Variants in SYT7 observed in about 807,000 individuals in gnomAD.
The protein encoded by SYT7 is synaptotagmin-7.
In SYT7, 29 loss-of-function variants were observed where a neutral mutation model predicts 75.1. The observed-to-expected ratio is 0.39, with a 90% confidence interval of 0.29 to 0.53. The LOEUF (loss-of-function observed/expected upper bound fraction) is 0.53. Among genes scored for constraint, SYT7 ranks in the 20% least tolerant of loss-of-function variants. The pLI is 0.77. For synonymous variants in SYT7, 376 were observed against 401.7 expected, an observed-to-expected ratio of 0.94 and a Z score of 0.76; for missense variants, 693 against 953.2, an observed-to-expected ratio of 0.73 and a Z score of 3.59.
rs554357952 is a variant in SYT7, at chr11:61,518,751, G to A, written c.1957-20C>T. 31 of 1,511,318 alleles carry A rather than the reference G, an allele frequency of 2.1e-5. No homozygotes were observed. The highest frequency in any genetic ancestry group is 2.0e-4 in the Admixed American group (10 of 49,442). 93.6% of individuals were successfully genotyped at this position (1,511,318 alleles called of 1,614,324 possible). A position where few individuals can be genotyped will look rare whatever the true frequency, so the allele number is the denominator to read the frequency against. The stretch of plus-strand genomic sequence containing the variant: ...GTAGATCTGGGGAGAAAGGGGAGAC[G>A]ATGGCATCGGCACAGGCTCCAGGGC... On this transcript the variant is annotated intron_variant, in intron 12 of 12. Coordinates refer to ENST00000539008, the MANE Select transcript of SYT7 (RefSeq NM_001365809.2).
At chr11:61,577,051 G>C (rs1304539153) in intron 1 of SYT7, among the ~76,000 whole-genome samples, 1 of 152,158 alleles carries the variant, frequency 6.6e-6, no homozygotes, top group Non-Finnish European at 1.5e-5. Flanking sequence ...GAGGGGCTTT[G>C]GGGCTATCTC....
At chr11:61,529,709 A>T (rs1253174701) in intron 8 of SYT7, among the ~76,000 whole-genome samples, 1 of 152,140 alleles carries the variant, frequency 6.6e-6, no homozygotes, top group Non-Finnish European at 1.5e-5. Flanking sequence ...ATCCTGGCTC[A>T]CTGCCACCTC....
Position 61,576,431 on chromosome 11 carries a change from C to T in SYT7, c.31+4359G>A, listed in dbSNP as rs539577500. 7.9e-5 allele frequency among the ~76,000 whole-genome samples: 12 copies of T among 152,326 alleles called. No homozygotes were observed. The highest frequency in any genetic ancestry group is 2.0e-4 in the Admixed American group (3 of 15,310). The stretch of plus-strand genomic sequence containing the variant: ...CCTCTCGGCCACATATGCCACCTGC[C>T]GGGCACTGTCTGTGGAGCAGAGGAC... On this transcript the variant is annotated intron_variant, in intron 1 of 12. Transcript: ENST00000539008. This position sits in a 1 kb window ranked among gnomAD's most constrained non-coding sequence, Gnocchi z 4.1.
rs1442496618 is a variant in SYT7 at position 61,542,556 on chromosome 11, G to A, written c.596C>T (p.Thr199Met). Reference protein sequence around the residue: ...LSNFEDSTLSTATTLESIPSS... With the variant: ...LSNFEDSTLSMATTLESIPSS... Reference sequence around the variant, plus strand: ...GGGGATAGACTCAAGGGTAGTGGCCGTGGACAGGGTGGAGTCCTCGAAACT... The same window carrying A: ...GGGGATAGACTCAAGGGTAGTGGCCATGGACAGGGTGGAGTCCTCGAAACT... Residue 199 changes from threonine (T) to methionine (M), a missense_variant, in exon 6 of 13, where the codon ACG (threonine) becomes ATG (methionine). Around this residue, in one of 2 missense-constraint regions of SYT7, gnomAD observed 487 missense variants for 593.2 expected, o/e 0.82. Transcript: ENST00000539008. The surrounding 1 kb of genome is among the most constrained non-coding windows in gnomAD (Gnocchi z 7.8). 1.5e-5 allele frequency: 23 copies of A among 1,514,794 alleles called. No homozygotes were observed. The highest frequency in any genetic ancestry group is 2.8e-5 in the African/African-American group (2 of 71,794). 93.8% of individuals were successfully genotyped at this position (1,514,794 alleles called of 1,614,324 possible).
At chr11:61,571,838 A>G (rs2063929880) in intron 1 of SYT7, among the ~76,000 whole-genome samples, 1 of 152,156 alleles carries the variant, frequency 6.6e-6, no homozygotes, top group Non-Finnish European at 1.5e-5. Flanking sequence ...CCCTCGAGAC[A>G]CTGGCCCTCT....
At chr11:61,529,600 C>T (rs1200948220) in intron 8 of SYT7, among the ~76,000 whole-genome samples, 2 of 152,154 alleles carry the variant, frequency 1.3e-5, no homozygotes, top group African/African-American at 2.4e-5. Context: ...CCACAGACAC[C>T]GTGCCAGGTG....
At chr11:61,569,791 G>A (rs1374526956) in intron 1 of SYT7, among the ~76,000 whole-genome samples, 6 of 152,164 alleles carry the variant, frequency 3.9e-5, no homozygotes, top group African/African-American at 7.2e-5. Flanking sequence ...GGGGGAGGAC[G>A]GCTTGGAGTG....
rs564033014 is a variant in SYT7, at chr11:61,518,052, CG to C, written c.*574del. On this transcript the variant is annotated 3_prime_UTR_variant, in exon 13 of 13. Coordinates refer to ENST00000539008, the MANE Select transcript of SYT7 (RefSeq NM_001365809.2). The stretch of plus-strand genomic sequence containing the variant: ...CCGCATTTCCAGGCCTCTGTCCCCA[CG>C]CACACACACAATGGACACAACACGA... The C allele has an allele frequency of 3.6e-3, 560 of 157,100 alleles. 2 individuals carry two copies. Among genetic ancestry groups the C allele is most frequent in the Admixed American group, 8.1e-3 (124 of 15,332 alleles). The allele number at this position is 157,100 out of a possible 1,614,324, so 9.7% of individuals were successfully genotyped here.
chr11:61,551,467 T>C lies in SYT7; in HGVS notation c.136-4A>G, dbSNP rs757337016. On this transcript the variant is annotated splice_region_variant and splice_polypyrimidine_tract_variant and intron_variant, in intron 2 of 12. Transcript: ENST00000539008. This position sits in a 1 kb window ranked among gnomAD's most constrained non-coding sequence, Gnocchi z 5.3. ...AGGAATTCTTGTAGCGTTTGCCCTG[T>C]GGAGATAGCACTAGGATCACTCCTG... 3 of 1,613,576 alleles carry C rather than the reference T, an allele frequency of 1.9e-6. No homozygotes were observed. Among genetic ancestry groups the C allele is most frequent in the Non-Finnish European group, 1.7e-6 (2 of 1,179,804 alleles).
intron 12 of SYT7, 152 bp downstream of exon 12, chr11:61,522,923 G>T: frequency 1.3e-6 from 1 of 759,802 alleles, no homozygotes; most frequent in Non-Finnish European, 2.1e-6. Flanking sequence ...CTTATTTTTG[G>T]ATGAAGAAAC....
upstream of SYT7, among the ~76,000 whole-genome samples, chr11:61,582,547 C>A (rs1304516175): frequency 3.5e-4 from 54 of 152,166 alleles, no homozygotes; most frequent in Non-Finnish European, 4.4e-5. Flanking sequence ...TCACCTCCAC[C>A]TACAGCTTTT....
intron 1 of SYT7, among the ~76,000 whole-genome samples, chr11:61,569,530 A>T (rs1392263768): frequency 1.3e-5 from 2 of 152,206 alleles, no homozygotes; most frequent in Non-Finnish European, 2.9e-5. Context: ...AGGAGGAGCC[A>T]GAAAAACAGG....
intron 1 of SYT7, among the ~76,000 whole-genome samples, chr11:61,563,548 C>T (rs2063693681): frequency 6.6e-6 from 1 of 152,202 alleles, no homozygotes; most frequent in Admixed American, 6.5e-5. Context: ...TTGAGCCCAT[C>T]CTTTCCTGCC....
intron 6 of SYT7, 70 bp from the exon 7 acceptor site, chr11:61,538,336 GGAGAGAGAGGGA>G (rs2062931121): frequency 2.2e-5 from 11 of 506,816 alleles, no homozygotes; most frequent in African/African-American, 2.1e-4. Flanking sequence ...CAGGGGGGAA[GGAGAGAGAGGGA>G]GAGAGAGAGA....
At chr11:61,531,789 G>A (rs911106569) in intron 8 of SYT7, among the ~76,000 whole-genome samples, 2 of 151,338 alleles carry the variant, frequency 1.3e-5, no homozygotes, top group African/African-American at 4.9e-5. Flanking sequence ...AGCTACTCGG[G>A]AGGCTGAGGG....
Position 61,524,295 on chromosome 11 carries a change from G to T in SYT7, c.1641+68C>A, listed in dbSNP as rs2062442052. 1 of 1,581,380 alleles carries T rather than the reference G, an allele frequency of 6.3e-7. No individual in the cohort carries two copies. Among genetic ancestry groups the T allele is most frequent in the Non-Finnish European group, 8.6e-7 (1 of 1,161,126 alleles). Reference sequence around the variant, plus strand: ...CCTGGCCTTCCTAAGGTTGACAAGGGTCTGGGACCAGATCTCCCAGCCCTG... The same window carrying T: ...CCTGGCCTTCCTAAGGTTGACAAGGTTCTGGGACCAGATCTCCCAGCCCTG... On this transcript the variant is annotated intron_variant, in intron 10 of 12. Coordinates refer to ENST00000539008, the MANE Select transcript of SYT7 (RefSeq NM_001365809.2). This position sits in a 1 kb window ranked among gnomAD's most constrained non-coding sequence, Gnocchi z 4.1.
At chr11:61,528,325 A>C (rs2062593988) in intron 8 of SYT7, 140 bp from the exon 9 acceptor site, 1 of 1,083,660 alleles carries the variant, frequency 9.2e-7, no homozygotes, top group South Asian at 1.6e-5. Flanking sequence ...TCAGGCTCAG[A>C]GGGCAGGTGC....
Position 61,523,900 on chromosome 11 carries a change from G to T in SYT7, c.1683C>A (p.Pro561=). Residue 561 remains proline, a synonymous_variant, in exon 11 of 13, where the codon CCC becomes CCA. Coordinates refer to ENST00000539008, the MANE Select transcript of SYT7 (RefSeq NM_001365809.2). The surrounding 1 kb of genome is among the most constrained non-coding windows in gnomAD (Gnocchi z 5.0). ...GELLLSLCYN[P]SANSIIVNII... ...TGTTCACGATGATGGAGTTGGCAGA[G>T]GGGTTGTAGCAGAGAGACAAGAGCA... 1 of 1,614,062 alleles carries T rather than the reference G, an allele frequency of 6.2e-7. No individual in the cohort carries two copies. The highest frequency in any genetic ancestry group is 1.3e-5 in the African/African-American group (1 of 75,028).
rs374846942 is a variant in SYT7, at chr11:61,521,957, T to G, written c.1956+1118A>C. 2.6e-5 allele frequency among the ~76,000 whole-genome samples: 4 copies of G among 152,222 alleles called. 1 individual carries two copies. On this transcript the variant is annotated intron_variant, in intron 12 of 12. Coordinates refer to ENST00000539008, the MANE Select transcript of SYT7 (RefSeq NM_001365809.2). ...AGGGTAGGACCATCCCACTCTCATT[T>G]TGAGAGGAGAAAATGAGGCTCAGAG...
Sources: gnomAD v4.1 joint callset for allele counts (sites outside exome capture counted in the v4.1 genomes callset) on GRCh38, gnomAD v4.1.1 for gene constraint, gnomAD v4.1.1 regional missense constraint, Gnocchi (gnomAD v3.1) non-coding constraint, MANE v1.5 for transcripts, NCBI Gene and HGNC (gene_info 2026-07-23, HGNC 2026-07-21) for gene names.